The following PHTF1 variants were observed in gnomAD, a reference collection of about 807,000 sequenced individuals.
PHTF1 encodes putative homeodomain transcription factor 1.
A neutral mutation model predicts 102.4 loss-of-function variants in PHTF1; 88 were observed. The ratio of observed to expected loss-of-function variants is 0.86; its 90% CI spans 0.72 to 1.03. PHTF1 has a LOEUF of 1.03. Ranked by LOEUF, PHTF1 falls within the 50% of genes least tolerant of loss-of-function variation. The pLI is 0.00. For synonymous variants in PHTF1, 289 were observed against 305.2 expected (o/e 0.95, Z 0.55); for missense variants, 814 against 909.5 (o/e 0.89, Z 1.35).
intron 3 of PHTF1, among the ~76,000 whole-genome samples, chr1:113,746,025 T>C (rs1201234186): frequency 6.6e-6 from 1 of 152,148 alleles, no homozygotes; most frequent in Non-Finnish European, 1.5e-5. Context: ...GACTATACAA[T>C]CTCTGTCACA....
At chr1:113,705,237 C>T (rs926832845) in intron 13 of PHTF1, among the ~76,000 whole-genome samples, 1 of 152,110 alleles carries the variant, frequency 6.6e-6, no homozygotes, top group Admixed American at 6.5e-5. Flanking sequence ...CCCTGGAGTT[C>T]GAGACAAGAC....
intron 16 of PHTF1, chr1:113,700,235 AT>A: frequency 1.2e-6 from 1 of 813,012 alleles, no homozygotes; most frequent in Non-Finnish European, 1.5e-6. Context: ...AGAATTCTCC[AT>A]TACGATTCTA....
intron 7 of PHTF1, among the ~76,000 whole-genome samples, chr1:113,720,210 A>G (rs765292046): frequency 6.6e-6 from 1 of 152,232 alleles, no homozygotes; most frequent in South Asian, 2.1e-4. Context: ...AGGTCATTAT[A>G]TAATGATAAA....
intron 3 of PHTF1, among the ~76,000 whole-genome samples, chr1:113,757,028 G>A (rs1270619309): frequency 2.4e-4 from 37 of 152,186 alleles, no homozygotes; most frequent in Admixed American, 1.3e-3. Flanking sequence ...TTAGCCGGGC[G>A]TGGTGGTGGG....
chr1:113,754,937 A>G (rs2101727830), intron 3 of PHTF1, among the ~76,000 whole-genome samples: 1 of 152,246 alleles, frequency 6.6e-6, no homozygotes, highest in Non-Finnish European at 1.5e-5. Flanking sequence ...CAAGTCTTAT[A>G]CTTCTGTTTG....
intron 3 of PHTF1, among the ~76,000 whole-genome samples, chr1:113,756,264 C>G (rs1435736127): frequency 1.3e-5 from 2 of 152,080 alleles, no homozygotes; most frequent in Non-Finnish European, 2.9e-5. Context: ...AAAATAAAAT[C>G]TGGAGACTTA....
Position 113,713,262 on chromosome 1 carries a change from A to C in PHTF1, c.783+17T>G. On this transcript the variant is annotated intron_variant, in intron 8 of 18. Transcript: ENST00000369604. ...CATGGGGAAAAAAACCCCTTGTTAAATCCATCTAAATCTTACCCTACGGCA... is the reference window on the plus strand; with the variant it reads ...CATGGGGAAAAAAACCCCTTGTTAACTCCATCTAAATCTTACCCTACGGCA... The C allele has an allele frequency of 6.2e-7, 1 of 1,609,418 alleles. No homozygotes were observed. The highest frequency in any genetic ancestry group is 2.2e-5 in the East Asian group (1 of 44,806).
intron 5 of PHTF1, among the ~76,000 whole-genome samples, chr1:113,735,410 G>C (rs1409257083): frequency 1.2e-5 from 1 of 82,352 alleles, no homozygotes; most frequent in Admixed American, 1.4e-4. Context: ...GCTATACAAA[G>C]ATGTTTATGA....
chr1:113,728,160 G>A (rs1289103278), intron 5 of PHTF1, among the ~76,000 whole-genome samples: 1 of 152,168 alleles, frequency 6.6e-6, no homozygotes, highest in Non-Finnish European at 1.5e-5. Flanking sequence ...ACCAAGAGAA[G>A]AGACAACTCA....
Position 113,705,897 on chromosome 1 carries a change from T to C in PHTF1, c.1664A>G (p.Tyr555Cys). Residue 555 changes from tyrosine (Y) to cysteine (C), a missense_variant, in exon 13 of 19, where the codon TAT becomes TGT. Transcript: ENST00000369604. ...FFMMCVAERT[Y>C]KQRFLFAKLF... ...CCTTATTTCTCCACTGACCTGTTTATATGTTCTCTCTGCCACACACATCAT... is the reference window on the plus strand; with the variant it reads ...CCTTATTTCTCCACTGACCTGTTTACATGTTCTCTCTGCCACACACATCAT... 2.5e-6 allele frequency: 4 copies of C among 1,613,642 alleles called. No homozygotes were observed. Among genetic ancestry groups the C allele is most frequent in the Non-Finnish European group, 3.4e-6 (4 of 1,179,844 alleles).
In PHTF1 at chr1:113,711,921, A is replaced by C; in HGVS notation, c.957+19T>G. 1 of 1,608,582 alleles carries C rather than the reference A, an allele frequency of 6.2e-7. No individual in the cohort carries two copies. The highest frequency in any genetic ancestry group is 8.5e-7 in the Non-Finnish European group (1 of 1,175,028). ...CAATGATTCAGTCCTATACTTTCAT[A>C]AACTAAAATAGAAATTACCTGAGAG... On this transcript the variant is annotated intron_variant, in intron 9 of 18. Coordinates refer to ENST00000369604, the MANE Select transcript of PHTF1 (RefSeq NM_001323043.2).
intron 5 of PHTF1, among the ~76,000 whole-genome samples, chr1:113,733,987 T>C (rs1428210470): frequency 1.3e-5 from 2 of 152,154 alleles, no homozygotes; most frequent in Non-Finnish European, 2.9e-5. Context: ...AGGCCGGGTG[T>C]AGTGGTTCAC....
At chr1:113,705,295 T>C (rs868238553) in intron 13 of PHTF1, among the ~76,000 whole-genome samples, 6 of 152,028 alleles carry the variant, frequency 3.9e-5, no homozygotes, top group South Asian at 2.1e-4. Context: ...AAAAAATTAG[T>C]CGGGTGTGGT....
At chr1:113,721,222 C>T (rs1210055031) in intron 7 of PHTF1, among the ~76,000 whole-genome samples, 1 of 152,068 alleles carries the variant, frequency 6.6e-6, no homozygotes, top group African/African-American at 2.4e-5. Flanking sequence ...ATTAACGTGA[C>T]ACATCATACC....
intron 16 of PHTF1, among the ~76,000 whole-genome samples, chr1:113,700,455 G>C (rs548868150): frequency 2.0e-5 from 3 of 152,056 alleles, no homozygotes; most frequent in African/African-American, 7.2e-5. Context: ...AAGAATTCAA[G>C]AAGCTTATTA....
intron 3 of PHTF1, among the ~76,000 whole-genome samples, chr1:113,755,136 T>C (rs1337512179): frequency 6.6e-6 from 1 of 151,998 alleles, no homozygotes; most frequent in East Asian, 1.9e-4. Context: ...TGTGATATGA[T>C]GTTAATATTT....
chr1:113,724,740 A>C lies in PHTF1; in HGVS notation c.623+19T>G. On this transcript the variant is annotated intron_variant, in intron 7 of 18. Coordinates refer to ENST00000369604, the MANE Select transcript of PHTF1 (RefSeq NM_001323043.2). ...GTAAACACTACGTGAATACAAAATC[A>C]AGTAAAAAAGACTCCCACCTGTTGC... is the stretch of plus-strand genomic sequence containing the variant. The C allele has an allele frequency of 6.3e-7, 1 of 1,581,898 alleles. No individual in the cohort carries two copies. The highest frequency in any genetic ancestry group is 8.6e-7 in the Non-Finnish European group (1 of 1,166,276).
At chr1:113,721,877 G>A (rs1167656788) in intron 7 of PHTF1, among the ~76,000 whole-genome samples, 1 of 151,046 alleles carries the variant, frequency 6.6e-6, no homozygotes, top group Admixed American at 6.6e-5. Flanking sequence ...TGTATTTTTA[G>A]TAGAGACAGG....
chr1:113,701,324 C>T (rs1383085201), intron 15 of PHTF1, among the ~76,000 whole-genome samples: 1 of 152,160 alleles, frequency 6.6e-6, no homozygotes, highest in Non-Finnish European at 1.5e-5. Context: ...GCTCATTCCA[C>T]TGGTATGACT....
Sources: allele counts gnomAD v4.1 joint callset (sites outside exome capture counted in the v4.1 genomes callset), GRCh38; gene constraint gnomAD v4.1.1; transcripts MANE v1.5; gene names NCBI Gene and HGNC (gene_info 2026-07-23, HGNC 2026-07-21).